The following MGAT4A variants were observed in gnomAD, a reference collection of about 807,000 sequenced individuals.
MGAT4A encodes N-acetylglucosaminyltransferase IVa.
Under a neutral mutation model 74.1 loss-of-function variants are expected in MGAT4A, and 33 were observed. The ratio of observed to expected loss-of-function variants is 0.45; its 90% CI spans 0.34 to 0.60. The LOEUF is 0.60. Ranked by LOEUF, MGAT4A falls within the 20% of genes least tolerant of loss-of-function variation. MGAT4A has a pLI of 0.02. For missense variants in MGAT4A, 479 were observed against 628.3 expected, an observed-to-expected ratio of 0.76 and a Z score of 2.54; for synonymous variants, 198 against 210.4, an observed-to-expected ratio of 0.94 and a Z score of 0.51.
At chr2:98,674,159 A>T (rs1386360556) in intron 4 of MGAT4A, among the ~76,000 whole-genome samples, 1 of 152,208 alleles carries the variant, frequency 6.6e-6, no homozygotes, top group Non-Finnish European at 1.5e-5. Context: ...TGATCCCCCA[A>T]ATAAGACAGC....
At position 98,619,624 on chromosome 2, in the gene MGAT4A, A is replaced by G. The variant is rs1236310882; in HGVS notation, c.*5942T>C. On this transcript the variant is annotated 3_prime_UTR_variant, in exon 16 of 16. Transcript: ENST00000393487. ...CAAATCTACTGGCAGTGCATCTTAC[A>G]GTACTGTCGATAGCAGCCATTTTTA... 1 of 152,238 alleles carries G rather than the reference A, an allele frequency of 6.6e-6. No individual in the cohort carries two copies. Among genetic ancestry groups the G allele is most frequent in the African/African-American group, 2.4e-5 (1 of 41,462 alleles). 9.4% of individuals were successfully genotyped at this position (152,238 alleles called of 1,614,324 possible). A position where few individuals can be genotyped will look rare whatever the true frequency, so the allele number is the denominator to read the frequency against.
chr2:98,666,778 A>G (rs1701837556), intron 4 of MGAT4A, among the ~76,000 whole-genome samples: 1 of 152,230 alleles, frequency 6.6e-6, no homozygotes, highest in South Asian at 2.1e-4. Flanking sequence ...AGACTTCACT[A>G]TGATGAAAGC....
At chr2:98,670,099 A>G (rs1701893155) in intron 4 of MGAT4A, among the ~76,000 whole-genome samples, 4 of 152,212 alleles carry the variant, frequency 2.6e-5, no homozygotes, top group Admixed American at 2.6e-4. Flanking sequence ...TACCATTTAC[A>G]ATCCAGAAAA....
At chr2:98,700,396 CTATAT>C (rs1031178206) in intron 2 of MGAT4A, among the ~76,000 whole-genome samples, 19 of 149,008 alleles carry the variant, frequency 1.3e-4, no homozygotes, top group East Asian at 3.9e-4. Flanking sequence ...AGTATATACT[CTATAT>C]TATATTAGTA....
rs188206588 is a variant in MGAT4A, at chr2:98,666,202, T to C, written c.404-3023A>G. On this transcript the variant is annotated intron_variant, in intron 4 of 15. Coordinates refer to ENST00000393487, the MANE Select transcript of MGAT4A (RefSeq NM_012214.3). ...AGTGGATGATGGAGACCCTTGCAAA[T>C]AGGGCTTCAGCTGGCAGACAAGAGA... is the stretch of plus-strand genomic sequence containing the variant. 2.0e-5 allele frequency among the ~76,000 whole-genome samples: 3 copies of C among 152,108 alleles called. 1 individual carries two copies. The highest frequency in any genetic ancestry group is 3.9e-4 in the East Asian group (2 of 5,174).
rs759969460 is a variant in MGAT4A, at chr2:98,640,197, C to T, written c.1052G>A (p.Arg351Gln). The T allele has an allele frequency of 3.2e-5, 52 of 1,613,752 alleles. No homozygotes were observed. Among genetic ancestry groups the T allele is most frequent in the Non-Finnish European group, 4.2e-5 (49 of 1,179,882 alleles). The change falls in exon 11 of 16, where the codon CGA becomes CAA. Residue 351 changes from arginine to glutamine, a missense_variant. This residue lies in a region of MGAT4A where 236 missense variants were observed against 308.2 expected (regional missense o/e 0.77). Coordinates refer to ENST00000393487, the MANE Select transcript of MGAT4A (RefSeq NM_012214.3). ...KHCDRQKANLRIRFRPSLFQH... is the reference protein window; with the variant it reads ...KHCDRQKANLQIRFRPSLFQH... ...GAAAAGGGAAGGTCTGAAGCGAATTCGCAGATTTGCTTTCTGTCTATCACA... is the reference window on the plus strand; with the variant it reads ...GAAAAGGGAAGGTCTGAAGCGAATTTGCAGATTTGCTTTCTGTCTATCACA...
chr2:98,723,639 G>A (rs947046926), intron 2 of MGAT4A, among the ~76,000 whole-genome samples: 4 of 152,066 alleles, frequency 2.6e-5, no homozygotes, highest in Admixed American at 6.5e-5. Flanking sequence ...TGGTATTAAC[G>A]AGCATCTCAC....
chr2:98,631,151 A>G (rs576823650), intron 14 of MGAT4A, among the ~76,000 whole-genome samples: 11 of 152,154 alleles, frequency 7.2e-5, no homozygotes, highest in Non-Finnish European at 1.5e-4. Context: ...CCACAAGACC[A>G]TTCTTAGCTA....
intron 14 of MGAT4A, among the ~76,000 whole-genome samples, chr2:98,631,563 G>A (rs989943798): frequency 1.6e-4 from 24 of 152,236 alleles, no homozygotes; most frequent in Non-Finnish European, 1.0e-4. Context: ...GCACACGGGC[G>A]GGCGGAAGAG....
At chr2:98,667,804 C>T (rs1701857735) in intron 4 of MGAT4A, among the ~76,000 whole-genome samples, 1 of 152,074 alleles carries the variant, frequency 6.6e-6, no homozygotes, top group African/African-American at 2.4e-5. Context: ...ACTGGAACCT[C>T]CACCTCCCAG....
At chr2:98,639,783 C>T (rs769011298) in intron 12 of MGAT4A, 25 bp downstream of exon 12, 26 of 1,563,820 alleles carry the variant, frequency 1.7e-5, no homozygotes, top group Middle Eastern at 3.4e-4. Context: ...ATTGTAAGAT[C>T]ACATACATTT....
rs1701075037 is a variant in MGAT4A, at chr2:98,622,417, G to A, written c.*3149C>T. On this transcript the variant is annotated 3_prime_UTR_variant, in exon 16 of 16. Coordinates refer to ENST00000393487, the MANE Select transcript of MGAT4A (RefSeq NM_012214.3). ...ATGTTTTTATTTAAACAGCCCCCAT[G>A]TGTCTACTGGCTATATGTGTTTTTA... 1.0e-6 allele frequency: 1 copy of A among 985,320 alleles called. No individual in the cohort carries two copies. Among genetic ancestry groups the A allele is most frequent in the Non-Finnish European group, 1.2e-6 (1 of 829,808 alleles). 61.0% of individuals were successfully genotyped at this position (985,320 alleles called of 1,614,324 possible). A position where few individuals can be genotyped will look rare whatever the true frequency, so the allele number is the denominator to read the frequency against.
intron 3 of MGAT4A, 24 bp from the exon 4 acceptor site, chr2:98,675,199 T>C (rs1333404931): frequency 6.6e-7 from 1 of 1,513,256 alleles, no homozygotes; most frequent in Non-Finnish European, 9.0e-7. Flanking sequence ...GTATAATTAA[T>C]ATACAAGAAT....
chr2:98,637,457 G>A (rs540064633), intron 12 of MGAT4A, among the ~76,000 whole-genome samples: 1 of 152,154 alleles, frequency 6.6e-6, no homozygotes, highest in African/African-American at 2.4e-5. Flanking sequence ...TATTAAAAAA[G>A]CATTTGAAGA....
At chr2:98,693,921 AAAATT>A (rs1377869992) in intron 2 of MGAT4A, among the ~76,000 whole-genome samples, 1 of 152,230 alleles carries the variant, frequency 6.6e-6, no homozygotes, top group Non-Finnish European at 1.5e-5. Flanking sequence ...GTCAGGAAAA[AAAATT>A]AAAACACTGA....
At chr2:98,637,574 G>A (rs139039014) in intron 12 of MGAT4A, among the ~76,000 whole-genome samples, 21 of 152,184 alleles carry the variant, frequency 1.4e-4, no homozygotes, top group African/African-American at 3.9e-4. Flanking sequence ...ATGCGTATGC[G>A]TTCTCAGGGT....
At chr2:98,716,894 G>T (rs1702600535) in intron 2 of MGAT4A, among the ~76,000 whole-genome samples, 1 of 151,908 alleles carries the variant, frequency 6.6e-6, no homozygotes, top group Non-Finnish European at 1.5e-5. Context: ...GTTTTTTAGG[G>T]AATAATGACC....
At chr2:98,640,068 T>C in intron 11 of MGAT4A, 53 bp downstream of exon 11, 3 of 1,553,384 alleles carry the variant, frequency 1.9e-6, no homozygotes, top group Non-Finnish European at 2.6e-6. Context: ...ACAATAATTA[T>C]AACTTAAATA....
Position 98,620,191 on chromosome 2 carries a change from C to T in MGAT4A, c.*5375G>A, listed in dbSNP as rs185354913. 1.2e-4 allele frequency: 18 copies of T among 152,232 alleles called. No homozygotes were observed. Among genetic ancestry groups the T allele is most frequent in the Admixed American group, 8.5e-4 (13 of 15,302 alleles). The allele number at this position is 152,232 out of a possible 1,614,324, so 9.4% of individuals were successfully genotyped here. On this transcript the variant is annotated 3_prime_UTR_variant, in exon 16 of 16. Coordinates refer to ENST00000393487, the MANE Select transcript of MGAT4A (RefSeq NM_012214.3). ...AGTTTGGTTGGGTCTTTAAAAAATA[C>T]CTTTTTAGCATTGTATGATCACATG...
Sources: gnomAD v4.1 joint callset for allele counts (sites outside exome capture counted in the v4.1 genomes callset) on GRCh38, gnomAD v4.1.1 for gene constraint, gnomAD v4.1.1 regional missense constraint, MANE v1.5 for transcripts, NCBI Gene and HGNC (gene_info 2026-07-23, HGNC 2026-07-21) for gene names.